The following FSTL4 variants were observed in gnomAD, a reference collection of about 807,000 sequenced individuals.
FSTL4 encodes follistatin-related protein 4.
FSTL4 carries 28 observed loss-of-function variants against 78.2 expected under a neutral mutation model. That is an observed-to-expected ratio of 0.36 (90% CI 0.27 to 0.49). FSTL4 has a LOEUF of 0.49. FSTL4 is among the 20% of genes least tolerant of loss of function. FSTL4 has a pLI of 0.98. For missense variants in FSTL4, 922 were observed against 1,084.9 expected, an observed-to-expected ratio of 0.85 and a Z score of 2.11; for synonymous variants, 422 against 440.5, an observed-to-expected ratio of 0.96 and a Z score of 0.53.
At chr5:133,788,872 C>G in the FSTL4 span, among the ~76,000 whole-genome samples, 1 of 152,154 alleles carries the variant, frequency 6.6e-6, no homozygotes, top group Non-Finnish European at 1.5e-5. Flanking sequence ...ATAGGGCCTC[C>G]AGAGCAGCAG....
At chr5:133,298,384 T>A (rs1581601609) in intron 6 of FSTL4, among the ~76,000 whole-genome samples, 1 of 152,360 alleles carries the variant, frequency 6.6e-6, no homozygotes, top group African/African-American at 2.4e-5. Context: ...CAACACTCCA[T>A]CGTGGGTGGG....
At chr5:133,258,311 G>A (rs944421887) in intron 6 of FSTL4, among the ~76,000 whole-genome samples, 12 of 152,198 alleles carry the variant, frequency 7.9e-5, no homozygotes, top group Non-Finnish European at 1.6e-4. Context: ...GTGTGTCTGT[G>A]AGGGTGTTTC....
At chr5:133,609,993 A>G (rs61240774) in intron 1 of FSTL4, among the ~76,000 whole-genome samples, 34,760 of 152,232 alleles carry the variant, frequency 0.23, 4,165 homozygotes, top group East Asian at 0.27. Context: ...GTTTGCAGAG[A>G]AACACTCAAA....
At chr5:133,347,694 C>T (rs557865897) in intron 4 of FSTL4, among the ~76,000 whole-genome samples, 2 of 152,282 alleles carry the variant, frequency 1.3e-5, no homozygotes, top group South Asian at 2.1e-4. Context: ...ATGAACACCA[C>T]GTATTTTCCT....
At chr5:133,448,737 GGC>G (rs151221240) in intron 3 of FSTL4, among the ~76,000 whole-genome samples, 35,513 of 135,366 alleles carry the variant, frequency 0.26, 5,901 homozygotes, top group East Asian at 0.42. Context: ...GGGGTGCGGG[GGC>G]GGGGGGGGGG....
chr5:133,635,529 CAAGGTGGG>C, the FSTL4 span, among the ~76,000 whole-genome samples: 1 of 152,126 alleles, frequency 6.6e-6, no homozygotes, highest in South Asian at 2.1e-4. Context: ...GTTGGGAGGC[CAAGGTGGG>C]CAGATCACCT....
At chr5:133,449,175 A>G (rs1247793133) in intron 3 of FSTL4, among the ~76,000 whole-genome samples, 1 of 152,144 alleles carries the variant, frequency 6.6e-6, no homozygotes, top group East Asian at 1.9e-4. Flanking sequence ...GCGTCTGTGC[A>G]CACCATAGGC....
upstream of FSTL4, among the ~76,000 whole-genome samples, chr5:133,616,145 A>G (rs1469494084): frequency 2.0e-5 from 3 of 152,206 alleles, no homozygotes; most frequent in Non-Finnish European, 2.9e-5. Flanking sequence ...GCCACAAACT[A>G]TCATACCCTA....
chr5:133,298,047 C>T (rs1341637571), intron 6 of FSTL4, among the ~76,000 whole-genome samples: 2 of 152,244 alleles, frequency 1.3e-5, no homozygotes, highest in African/African-American at 4.8e-5. Context: ...TAGGTAAGAA[C>T]ACAGGCTTGG....
At position 133,519,285 on chromosome 5, in the gene FSTL4, G is replaced by A. The variant is rs143367642; in HGVS notation, c.160+47901C>T. On this transcript the variant is annotated intron_variant, in intron 3 of 15. Transcript: ENST00000265342. ...GCTTCTCTTCTATAAGCTGGAATGC[G>A]CCCCTGCTTTCTGGATGTACACTGA... Among the ~76,000 whole-genome samples the A allele has an allele frequency of 5.3e-5, 8 of 152,280 alleles. No individual in the cohort carries two copies. In the South Asian group the frequency reaches 1.0e-3, roughly 20 times the overall value.
At chr5:133,362,581 C>T (rs902557663) in intron 4 of FSTL4, among the ~76,000 whole-genome samples, 8 of 152,270 alleles carry the variant, frequency 5.3e-5, no homozygotes, top group Non-Finnish European at 8.8e-5. Context: ...CCTGTCTATG[C>T]GTTCAGGATT....
At chr5:133,461,318 G>A (rs1381948238) in intron 3 of FSTL4, among the ~76,000 whole-genome samples, 2 of 152,184 alleles carry the variant, frequency 1.3e-5, no homozygotes, top group Non-Finnish European at 2.9e-5. Flanking sequence ...ATTACCTCCA[G>A]AAGTGGTTCT....
chr5:133,430,240 C>T (rs1756905519), intron 3 of FSTL4, among the ~76,000 whole-genome samples: 1 of 152,204 alleles, frequency 6.6e-6, no homozygotes, highest in African/African-American at 2.4e-5. Flanking sequence ...CTTTGTTTCA[C>T]CTGCTGTTCA....
the FSTL4 span, among the ~76,000 whole-genome samples, chr5:133,701,509 A>ACACACCCTC: frequency 7.5e-6 from 1 of 132,624 alleles, no homozygotes; most frequent in Non-Finnish European, 1.6e-5. Flanking sequence ...ACACACACAC[A>ACACACCCTC]CCCCACAGGC....
the FSTL4 span, among the ~76,000 whole-genome samples, chr5:133,779,118 T>C: frequency 6.6e-6 from 1 of 152,068 alleles, no homozygotes; most frequent in African/African-American, 2.4e-5. Flanking sequence ...TAAAACTGAA[T>C]CTGTATTGTC....
the FSTL4 span, among the ~76,000 whole-genome samples, chr5:133,676,530 G>T: frequency 6.6e-6 from 1 of 152,060 alleles, no homozygotes; most frequent in Non-Finnish European, 1.5e-5. Flanking sequence ...TCTTAGAATA[G>T]CCTTCTTCTC....
chr5:133,832,932 A>C, the FSTL4 span, among the ~76,000 whole-genome samples: 1 of 152,184 alleles, frequency 6.6e-6, no homozygotes, highest in African/African-American at 2.4e-5. Flanking sequence ...CAAAATTTGA[A>C]TTTCATATGA....
At chr5:133,391,453 C>T in intron 4 of FSTL4, among the ~76,000 whole-genome samples, 1 of 152,198 alleles carries the variant, frequency 6.6e-6, no homozygotes, top group East Asian at 1.9e-4. Context: ...TGCGGAGAAG[C>T]CTGGGGAGGA....
At chr5:133,302,405 C>G (rs1455865540) in intron 6 of FSTL4, among the ~76,000 whole-genome samples, 2 of 152,082 alleles carry the variant, frequency 1.3e-5, no homozygotes, top group Non-Finnish European at 2.9e-5. Context: ...CTTCACAGGT[C>G]TTCGAAAAAG....
Sources: allele counts gnomAD v4.1 joint callset (sites outside exome capture counted in the v4.1 genomes callset), GRCh38; gene constraint gnomAD v4.1.1; transcripts MANE v1.5; gene names NCBI Gene and HGNC (gene_info 2026-07-23, HGNC 2026-07-21).